The following KDM5A variants were observed in gnomAD, a reference collection of about 807,000 sequenced individuals.
KDM5A encodes lysine demethylase 5A.
A neutral mutation model predicts 193.5 loss-of-function variants in KDM5A; 42 were observed. The observed-to-expected ratio is 0.22, with a 90% CI of 0.17 to 0.28. The LOEUF (loss-of-function observed/expected upper bound fraction) is 0.28. KDM5A is among the 10% of genes least tolerant of loss of function. KDM5A has a pLI of 1.00. For synonymous variants in KDM5A, 796 were observed against 718.1 expected, an observed-to-expected ratio of 1.11 and a Z score of -1.73; for missense variants, 1,692 against 2,055.1, an observed-to-expected ratio of 0.82 and a Z score of 3.42.
chr12:307,813 G>A lies in KDM5A; in HGVS notation c.3571C>T (p.Leu1191Phe), dbSNP rs1359770831. 1 of 1,614,152 alleles carries A rather than the reference G, an allele frequency of 6.2e-7. No individual in the cohort carries two copies. Among genetic ancestry groups the A allele is most frequent in the Non-Finnish European group, 8.5e-7 (1 of 1,180,020 alleles). Reference sequence around the variant, plus strand: ...TTTTTTTGGGAACTTGATTTAGGAAGAGGAACACAGCTGTTATGGAACCAG... The same window carrying A: ...TTTTTTTGGGAACTTGATTTAGGAAAAGGAACACAGCTGTTATGGAACCAG... ...KDWFHNSCVPLPKSSSQKKGS... is the reference protein window; with the variant it reads ...KDWFHNSCVPFPKSSSQKKGS... Residue 1191 changes from leucine to phenylalanine, a missense_variant, in exon 23 of 28, where the codon CTT becomes TTT. By Grantham distance (22) the Leu-to-Phe change is conservative. Coordinates refer to ENST00000399788, the MANE Select transcript of KDM5A (RefSeq NM_001042603.3). This position sits in a 1 kb window ranked among gnomAD's most constrained non-coding sequence, Gnocchi z 4.3.
At chr12:294,470 A>G (rs1723366410) in intron 26 of KDM5A, among the ~76,000 whole-genome samples, 1 of 152,252 alleles carries the variant, frequency 6.6e-6, no homozygotes, top group African/African-American at 2.4e-5. Flanking sequence ...TTACATCTTG[A>G]ACAAGATATT....
intron 10 of KDM5A, among the ~76,000 whole-genome samples, chr12:346,339 G>C (rs1490001539): frequency 6.6e-6 from 1 of 152,178 alleles, no homozygotes; most frequent in African/African-American, 2.4e-5. Context: ...GAGGTACAAA[G>C]AGGAGCTGGT....
At chr12:341,910 A>AG (rs1944010465) in intron 10 of KDM5A, among the ~76,000 whole-genome samples, 1 of 142,544 alleles carries the variant, frequency 7.0e-6, no homozygotes, top group African/African-American at 2.6e-5. Flanking sequence ...AAAAAAAAAA[A>AG]AAGAGAGAGA....
intron 14 of KDM5A, among the ~76,000 whole-genome samples, chr12:325,268 G>A (rs1943767427): frequency 6.6e-6 from 1 of 152,216 alleles, no homozygotes; most frequent in Admixed American, 6.5e-5. Flanking sequence ...AACTGGCAAA[G>A]CTGTTCTCAA....
intron 24 of KDM5A, among the ~76,000 whole-genome samples, chr12:299,993 T>C (rs1468793944): frequency 6.7e-6 from 1 of 149,476 alleles, no homozygotes; most frequent in Non-Finnish European, 1.5e-5. Flanking sequence ...CTAACTATCC[T>C]AAATATATAT....
At chr12:305,565 T>C (rs1943493643) in intron 24 of KDM5A, among the ~76,000 whole-genome samples, 1 of 152,182 alleles carries the variant, frequency 6.6e-6, no homozygotes, top group Admixed American at 6.5e-5. Context: ...CAGCCTTTTG[T>C]ATCAGAGTAG....
intron 16 of KDM5A, 53 bp from the exon 17 acceptor site, chr12:322,620 C>A: frequency 6.5e-7 from 1 of 1,530,790 alleles, no homozygotes; most frequent in South Asian, 1.1e-5. Context: ...CACAAAAAGC[C>A]ATTCTAAAAT....
At chr12:356,590 A>G (rs1458699901) in intron 5 of KDM5A, 53 bp from the exon 6 acceptor site, 9 of 1,155,110 alleles carry the variant, frequency 7.8e-6, no homozygotes. Context: ...TCATGCATTA[A>G]TTTTTTTACC....
chr12:296,286 C>T lies in KDM5A; in HGVS notation c.4235-493G>A, dbSNP rs964839171. On this transcript the variant is annotated intron_variant, in intron 25 of 27. Transcript: ENST00000399788. ...GCAGTGAGCCAAGATCACGCCATTG[C>T]ACTCCAGCCTGGGCAACAAGACAGA... is the stretch of plus-strand genomic sequence containing the variant. Among the ~76,000 whole-genome samples, 8 of 148,998 alleles carry T rather than the reference C, an allele frequency of 5.4e-5. No homozygotes were observed. The East Asian group carries it at 1.4e-3, about 26-fold the overall frequency.
intron 14 of KDM5A, among the ~76,000 whole-genome samples, chr12:326,336 A>G (rs1943783145): frequency 6.6e-6 from 1 of 152,238 alleles, no homozygotes; most frequent in African/African-American, 2.4e-5. Context: ...TGAAAGACTT[A>G]AGACCCTTAG....
In KDM5A at chr12:283,081, T is replaced by C. The variant is rs953353190; in HGVS notation, c.*2375A>G. On this transcript the variant is annotated 3_prime_UTR_variant, in exon 28 of 28. Coordinates refer to ENST00000399788, the MANE Select transcript of KDM5A (RefSeq NM_001042603.3). ...AGGTGACAGGAAGCTATTCATACTT[T>C]CTCAGCATCCTCATGACTCTCCACT... 4.3e-6 allele frequency: 1 copy of C among 231,256 alleles called. No individual in the cohort carries two copies. Among genetic ancestry groups the C allele is most frequent in the Middle Eastern group, 1.3e-3 (1 of 776 alleles). The allele number at this position is 231,256 out of a possible 1,614,324, so 14.3% of individuals were successfully genotyped here. A position where few individuals can be genotyped will look rare whatever the true frequency, so the allele number is the denominator to read the frequency against.
At chr12:374,200 C>A (rs896952756) in intron 3 of KDM5A, among the ~76,000 whole-genome samples, 1 of 152,102 alleles carries the variant, frequency 6.6e-6, no homozygotes, top group Non-Finnish European at 1.5e-5. Flanking sequence ...CTCCCATTAT[C>A]ATTGTGTGGG....
intron 24 of KDM5A, among the ~76,000 whole-genome samples, chr12:297,766 C>T (rs1028995607): frequency 6.6e-6 from 1 of 152,190 alleles, no homozygotes; most frequent in Non-Finnish European, 1.5e-5. Flanking sequence ...TTGAAAAAAA[C>T]TTGTAACTTT....
intron 12 of KDM5A, 89 bp from the exon 13 acceptor site, chr12:332,027 C>T (rs754826951): frequency 1.6e-6 from 2 of 1,262,714 alleles, no homozygotes; most frequent in Non-Finnish European, 2.3e-6. Flanking sequence ...ATTTCAGATG[C>T]ATTTTCTAAA....
intron 14 of KDM5A, among the ~76,000 whole-genome samples, chr12:325,260 C>G (rs996983825): frequency 2.0e-5 from 3 of 152,252 alleles, no homozygotes; most frequent in African/African-American, 7.2e-5. Context: ...TTCAGAACAA[C>G]TGGCAAAGCT....
At chr12:294,398 G>A (rs1943343324) in intron 26 of KDM5A, among the ~76,000 whole-genome samples, 1 of 152,160 alleles carries the variant, frequency 6.6e-6, no homozygotes, top group South Asian at 2.1e-4. Flanking sequence ...GAAAATCTTT[G>A]ACAGGAACCT....
chr12:366,916 A>T (rs2137472332), intron 3 of KDM5A, among the ~76,000 whole-genome samples: 1 of 152,292 alleles, frequency 6.6e-6, no homozygotes, highest in African/African-American at 2.4e-5. Flanking sequence ...TTCTTACTGA[A>T]CCTTTGTGTT....
intron 13 of KDM5A, among the ~76,000 whole-genome samples, chr12:330,024 T>G (rs1219182142): frequency 1.3e-5 from 2 of 151,320 alleles, no homozygotes; most frequent in Non-Finnish European, 2.9e-5. Flanking sequence ...GTTTCCATAC[T>G]CTTCAAAGAA....
chr12:302,473 G>T (rs2137379763), intron 24 of KDM5A, among the ~76,000 whole-genome samples: 1 of 152,304 alleles, frequency 6.6e-6, no homozygotes, highest in East Asian at 1.9e-4. Context: ...GCCATATGCA[G>T]AAAGCTGAAA....
Sources: gnomAD v4.1 joint callset for allele counts (sites outside exome capture counted in the v4.1 genomes callset) on GRCh38, gnomAD v4.1.1 for gene constraint, Gnocchi (gnomAD v3.1) non-coding constraint, MANE v1.5 for transcripts, NCBI Gene and HGNC (gene_info 2026-07-23, HGNC 2026-07-21) for gene names.